Variants in MYOM2 observed in about 807,000 individuals in gnomAD.
The protein encoded by MYOM2 is myomesin 2.
MYOM2 carries 254 observed loss-of-function variants against 187.6 expected under a neutral mutation model. The ratio of observed to expected loss-of-function variants is 1.35; its 90% confidence interval spans 1.22 to 1.50. The LOEUF is 1.50. MYOM2 is among the 40% of genes most tolerant of loss of function. MYOM2 has a pLI of 0.00. For missense variants in MYOM2, 2,796 were observed against 1,924.0 expected (o/e 1.45, Z -8.48); for synonymous variants, 981 against 753.8 (o/e 1.30, Z -4.94).
Position 2,045,070 on chromosome 8 carries a change from C to G in MYOM2, c.-111C>G, listed in dbSNP as rs1818269719. On this transcript the variant is annotated 5_prime_UTR_variant, in exon 1 of 37. Coordinates refer to ENST00000262113, the MANE Select transcript of MYOM2 (RefSeq NM_003970.4). ...GAGGGAGGCACAGGCGCTTGCTTTG[C>G]AGGAGTCAGCTCTGCCTTCCTCGGC... The G allele has an allele frequency of 6.6e-6, 1 of 152,606 alleles. No homozygotes were observed. Among genetic ancestry groups the G allele is most frequent in the South Asian group, 2.1e-4 (1 of 4,826 alleles). 9.5% of individuals were successfully genotyped at this position (152,606 alleles called of 1,614,324 possible). A position where few individuals can be genotyped will look rare whatever the true frequency, so the allele number is the denominator to read the frequency against.
In MYOM2 at chr8:2,107,740, C is replaced by T. The variant is rs1438762920; in HGVS notation, c.2999-1046C>T. 1.3e-5 allele frequency among the ~76,000 whole-genome samples: 2 copies of T among 152,210 alleles called. 1 individual carries two copies. Among genetic ancestry groups the T allele is most frequent in the Non-Finnish European group, 2.9e-5 (2 of 68,042 alleles). On this transcript the variant is annotated intron_variant, in intron 23 of 36. Transcript: ENST00000262113. Reference sequence around the variant, plus strand: ...TGGGGAAGGACCCAAAATCCATTTGCATGCTTTTAAAGCAGCCTCTGTTGG... The same window carrying T: ...TGGGGAAGGACCCAAAATCCATTTGTATGCTTTTAAAGCAGCCTCTGTTGG...
chr8:2,118,089 C>T (rs148115053), intron 28 of MYOM2, 137 bp downstream of exon 28: 13 of 663,480 alleles, frequency 2.0e-5, no homozygotes, highest in Middle Eastern at 2.5e-4. Context: ...TGCGGATGGG[C>T]GGAGTGGCTT....
At chr8:2,049,581 G>A (rs973460948) in intron 1 of MYOM2, among the ~76,000 whole-genome samples, 6 of 152,196 alleles carry the variant, frequency 3.9e-5, no homozygotes, top group African/African-American at 7.2e-5. Flanking sequence ...GATGTGGGTG[G>A]CACCCCTGGG....
chr8:2,077,406 A>G (rs1819467090), intron 11 of MYOM2, among the ~76,000 whole-genome samples: 1 of 152,196 alleles, frequency 6.6e-6, no homozygotes, highest in African/African-American at 2.4e-5. Context: ...TGTATATTAA[A>G]CAGAAAAATA....
intron 32 of MYOM2, 29 bp downstream of exon 32, chr8:2,129,261 A>G (rs1352966000): frequency 2.0e-6 from 3 of 1,499,690 alleles, no homozygotes; most frequent in East Asian, 4.6e-5. Flanking sequence ...GATGGAGGCC[A>G]TGCCATAGAT....
chr8:2,135,870 G>A (rs1367178018), intron 32 of MYOM2, among the ~76,000 whole-genome samples: 1 of 152,222 alleles, frequency 6.6e-6, no homozygotes, highest in Non-Finnish European at 1.5e-5. Flanking sequence ...GCACTAGGAC[G>A]TGTTTGGCCC....
intron 25 of MYOM2, among the ~76,000 whole-genome samples, chr8:2,113,739 CA>C (rs924974817): frequency 3.3e-5 from 5 of 152,186 alleles, no homozygotes; most frequent in Non-Finnish European, 7.3e-5. Flanking sequence ...AATTATCTTC[CA>C]AAATTGCTCA....
In MYOM2 at chr8:2,085,549, TGTCATGATCTCTGCGTGGCCCC is replaced by T. The variant is rs1819823782; in HGVS notation, c.1644+160_1644+181del. Among the ~76,000 whole-genome samples, 221 of 34,718 alleles carry T rather than the reference TGTCATGATCTCTGCGTGGCCCC, an allele frequency of 6.4e-3. 63 individuals are homozygous for T. The highest frequency in any genetic ancestry group is 8.7e-3 in the Admixed American group (28 of 3,206). 22.8% of individuals were successfully genotyped at this position (34,718 alleles called of 152,430 possible). A position where few individuals can be genotyped will look rare whatever the true frequency, so the allele number is the denominator to read the frequency against. ...TGTTGTGATCTCTGCGTGGCCCCAC[TGTCATGATCTCTGCGTGGCCCC>T]ACTGTTGTGATCTCTGCGTGGCCCC... is the stretch of plus-strand genomic sequence containing the variant. On this transcript the variant is annotated intron_variant, in intron 14 of 36. Coordinates refer to ENST00000262113, the MANE Select transcript of MYOM2 (RefSeq NM_003970.4).
chr8:2,069,167 C>T (rs78964342), intron 6 of MYOM2, 111 bp from the exon 7 acceptor site: 223 of 1,044,996 alleles, frequency 2.1e-4, no homozygotes, highest in Non-Finnish European at 2.9e-4. Flanking sequence ...CACTCATGAA[C>T]AAATAAACCA....
intron 14 of MYOM2, among the ~76,000 whole-genome samples, chr8:2,086,494 C>CTCCCACTGTTGTGATCTCCGGGTGG (rs1796074873): frequency 7.5e-6 from 1 of 132,930 alleles, no homozygotes; most frequent in Non-Finnish European, 1.6e-5. Context: ...TCTGTGTGGC[C>CTCCCACTGTTGTGATCTCCGGGTGG]CCCCACTGTC....
chr8:2,055,640 C>T (rs1271148589), intron 3 of MYOM2, among the ~76,000 whole-genome samples: 1 of 152,188 alleles, frequency 6.6e-6, no homozygotes, highest in African/African-American at 2.4e-5. Context: ...CAGACTTCTG[C>T]AATTCTGATT....
At position 2,144,919 on chromosome 8, in the gene MYOM2, GC is replaced by G. The variant is rs1237303800; in HGVS notation, c.4340del (p.Pro1447ArgfsTer65). The G allele has an allele frequency of 1.9e-6, 3 of 1,613,990 alleles. No homozygotes were observed. The highest frequency in any genetic ancestry group is 1.7e-5 in the Admixed American group (1 of 60,006). ...YKHGEKIPDMAPPQQAKPKLI... is the reference protein window; with the variant it reads ...YKHGEKIPDMXPPQQAKPKLI... ...ACACGGGGAGAAGATCCCGGACATG[GC>G]CCCGCCCCAGCAAGCCAAGCCCAAG... On this transcript the variant is annotated frameshift_variant, in exon 37 of 37. Transcript: ENST00000262113. LOFTEE classifies it low-confidence loss of function (END_TRUNC).
At chr8:2,083,695 C>G (rs78958395) in intron 13 of MYOM2, among the ~76,000 whole-genome samples, 1 of 152,278 alleles carries the variant, frequency 6.6e-6, no homozygotes, top group East Asian at 1.9e-4. Flanking sequence ...CTCCCTGGCT[C>G]GAGGGACCCT....
At chr8:2,065,330 G>T (rs1818981913) in intron 6 of MYOM2, among the ~76,000 whole-genome samples, 2 of 152,172 alleles carry the variant, frequency 1.3e-5, no homozygotes, top group Admixed American at 6.5e-5. Context: ...CAGCATGTTG[G>T]GAGGCCGAGG....
chr8:2,071,451 G>C (rs930753543), intron 8 of MYOM2, among the ~76,000 whole-genome samples: 3 of 152,066 alleles, frequency 2.0e-5, no homozygotes, highest in African/African-American at 7.2e-5. Context: ...GACGCTTCTG[G>C]ATCTAGTTAC....
intron 25 of MYOM2, among the ~76,000 whole-genome samples, chr8:2,113,185 C>T (rs993461885): frequency 3.9e-5 from 6 of 152,188 alleles, no homozygotes; most frequent in Admixed American, 6.5e-5. Context: ...ATGGCTGGGG[C>T]GAGTCCCGCG....
intron 25 of MYOM2, among the ~76,000 whole-genome samples, chr8:2,110,932 G>C (rs1797049535): frequency 6.6e-6 from 1 of 152,224 alleles, no homozygotes; most frequent in Non-Finnish European, 1.5e-5. Flanking sequence ...CTACGTGGGA[G>C]AGTCGGCTAG....
rs1042823387 is a variant in MYOM2, at chr8:2,143,597, C to CT, written c.4080+141_4080+142insT. 3 of 990,530 alleles carry CT rather than the reference C, an allele frequency of 3.0e-6. No homozygotes were observed. In the African/African-American group the frequency reaches 4.8e-5, roughly 16 times the overall value. 61.4% of individuals were successfully genotyped at this position (990,530 alleles called of 1,614,324 possible). On this transcript the variant is annotated intron_variant, in intron 36 of 36. Transcript: ENST00000262113. ...GCCTGCAGGGAACCCAGAGTCCCCC[C>CT]CACTTTTCTGCCCCTCCTAGACGGC...
intron 32 of MYOM2, among the ~76,000 whole-genome samples, chr8:2,133,129 G>A (rs1249027860): frequency 6.6e-6 from 1 of 150,472 alleles, no homozygotes; most frequent in African/African-American, 2.5e-5. Flanking sequence ...CTCTGCATGT[G>A]TTCTGATGTT....
Sources: allele counts gnomAD v4.1 joint callset (sites outside exome capture counted in the v4.1 genomes callset), GRCh38; gene constraint gnomAD v4.1.1; transcripts MANE v1.5; gene names NCBI Gene and HGNC (gene_info 2026-07-23, HGNC 2026-07-21).